Variants in METAP2 observed in about 807,000 individuals in gnomAD.
METAP2 encodes methionine aminopeptidase 2.
A neutral mutation model predicts 59.4 loss-of-function variants in METAP2; 25 were observed. The observed-to-expected ratio is 0.42, with a 90% confidence interval of 0.31 to 0.59. METAP2 has a LOEUF of 0.59. Ranked by LOEUF, METAP2 falls within the 20% of genes least tolerant of loss-of-function variation. The pLI is 0.16. For missense variants in METAP2, 366 were observed against 581.2 expected, an observed-to-expected ratio of 0.63 and a Z score of 3.81; for synonymous variants, 214 against 194.1, an observed-to-expected ratio of 1.10 and a Z score of -0.85.
At position 95,515,600 on chromosome 12, in the gene METAP2, C is replaced by A. The variant is rs1383799745; in HGVS notation, c.*1696C>A. 6.6e-6 allele frequency: 1 copy of A among 152,226 alleles called. No individual in the cohort carries two copies. The highest frequency in any genetic ancestry group is 1.5e-5 in the Non-Finnish European group (1 of 68,044). The allele number at this position is 152,226 out of a possible 1,614,324, so 9.4% of individuals were successfully genotyped here. ...GTCATGATCTCAAACCAATTAGGAG[C>A]TCCAAGCTCCCTTCCCAGGTAACTG... On this transcript the variant is annotated 3_prime_UTR_variant, in exon 11 of 11. Transcript: ENST00000323666.
chr12:95,495,557 C>G (rs1318031481), intron 6 of METAP2, among the ~76,000 whole-genome samples: 3 of 152,114 alleles, frequency 2.0e-5, no homozygotes, highest in African/African-American at 7.2e-5. Flanking sequence ...GTTAGGTAAG[C>G]ACCTTGTTAT....
intron 7 of METAP2, among the ~76,000 whole-genome samples, chr12:95,497,523 T>C (rs2076284278): frequency 6.6e-6 from 1 of 152,266 alleles, no homozygotes; most frequent in Non-Finnish European, 1.5e-5. Context: ...TTGTGAATAT[T>C]GCTGCTATGA....
chr12:95,499,472 G>T (rs1178522137), intron 7 of METAP2, among the ~76,000 whole-genome samples: 1 of 151,652 alleles, frequency 6.6e-6, no homozygotes, highest in Admixed American at 6.6e-5. Flanking sequence ...TAGCTTTGTT[G>T]TAAGTTTTGA....
chr12:95,512,036 ATTTT>A, intron 9 of METAP2, 38 bp downstream of exon 9: 4 of 1,462,572 alleles, frequency 2.7e-6, no homozygotes, highest in Non-Finnish European at 3.8e-6. Flanking sequence ...CATGGAAGAC[ATTTT>A]TTTCTTCCAA....
chr12:95,502,364 T>C (rs2076322921), intron 7 of METAP2, among the ~76,000 whole-genome samples: 1 of 152,134 alleles, frequency 6.6e-6, no homozygotes, highest in South Asian at 2.1e-4. Context: ...GGGTGACAGC[T>C]TTTTTTCTTT....
intron 10 of METAP2, among the ~76,000 whole-genome samples, chr12:95,513,152 G>A (rs1268704224): frequency 3.4e-5 from 5 of 145,784 alleles, no homozygotes; most frequent in Admixed American, 7.4e-5. Context: ...CTTCAAGTCC[G>A]GTTTCTGATA....
chr12:95,498,132 CAAAAA>C (rs550768555), intron 7 of METAP2, among the ~76,000 whole-genome samples: 58 of 123,618 alleles, frequency 4.7e-4, no homozygotes, highest in Admixed American at 1.8e-3. Context: ...GACTCCATCT[CAAAAA>C]AAAAAAAAAA....
intron 8 of METAP2, among the ~76,000 whole-genome samples, chr12:95,509,912 C>T (rs1357342929): frequency 7.3e-5 from 10 of 136,970 alleles, no homozygotes; most frequent in Non-Finnish European, 1.1e-4. Context: ...AGTTTCATTT[C>T]ACTGCAGTCT....
chr12:95,482,977 T>C (rs1026286028), intron 2 of METAP2, among the ~76,000 whole-genome samples: 2 of 152,166 alleles, frequency 1.3e-5, no homozygotes, highest in African/African-American at 4.8e-5. Flanking sequence ...TCCAACTCCT[T>C]GGCTCAAGTG....
intron 4 of METAP2, among the ~76,000 whole-genome samples, chr12:95,486,433 TG>T (rs1263669367): frequency 1.3e-5 from 2 of 152,160 alleles, no homozygotes; most frequent in Non-Finnish European, 2.9e-5. Context: ...AAGTATTTTT[TG>T]ATCACTTATC....
chr12:95,508,758 A>C (rs2076380301), intron 8 of METAP2, among the ~76,000 whole-genome samples: 1 of 152,160 alleles, frequency 6.6e-6, no homozygotes, highest in Non-Finnish European at 1.5e-5. Context: ...GTCACTGCAT[A>C]ATAATTCCAG....
chr12:95,475,251 G>A (rs1383696120), intron 1 of METAP2, among the ~76,000 whole-genome samples: 1 of 152,226 alleles, frequency 6.6e-6, no homozygotes, highest in Non-Finnish European at 1.5e-5. Context: ...GGAATTGAGA[G>A]AGGTCGAAGA....
In METAP2 at chr12:95,515,263, T is replaced by C. The variant is rs1269683730; in HGVS notation, c.*1359T>C. On this transcript the variant is annotated 3_prime_UTR_variant, in exon 11 of 11. Coordinates refer to ENST00000323666, the MANE Select transcript of METAP2 (RefSeq NM_006838.4). ...AGCTGCTCTTTCAGCATTAGAGCTA[T>C]AAATGAATGTTACCTTGTCGGGAAA... 1 of 152,650 alleles carries C rather than the reference T, an allele frequency of 6.6e-6. No homozygotes were observed. Among genetic ancestry groups the C allele is most frequent in the East Asian group, 1.9e-4 (1 of 5,202 alleles). 9.5% of individuals were successfully genotyped at this position (152,650 alleles called of 1,614,324 possible).
chr12:95,494,031 A>G (rs753414576), intron 4 of METAP2, 25 bp from the exon 5 acceptor site: 5 of 1,604,262 alleles, frequency 3.1e-6, no homozygotes, highest in South Asian at 2.2e-5. Flanking sequence ...TTTATCACTA[A>G]TAGTATTCTA....
At chr12:95,497,667 G>A (rs961252613) in intron 7 of METAP2, among the ~76,000 whole-genome samples, 1 of 152,098 alleles carries the variant, frequency 6.6e-6, no homozygotes, top group African/African-American at 2.4e-5. Flanking sequence ...TTTCCACAGT[G>A]GCTGTACCAT....
chr12:95,490,270 T>C (rs1482065077), intron 4 of METAP2, among the ~76,000 whole-genome samples: 1 of 149,294 alleles, frequency 6.7e-6, no homozygotes, highest in African/African-American at 2.5e-5. Context: ...CCCGGCATAG[T>C]AGTTTTTTTT....
intron 2 of METAP2, among the ~76,000 whole-genome samples, chr12:95,477,950 A>G (rs2076132270): frequency 6.6e-6 from 1 of 152,240 alleles, no homozygotes; most frequent in Non-Finnish European, 1.5e-5. Context: ...TTGTAAATTC[A>G]AGGCAATATA....
chr12:95,512,650 T>C (rs2076411838), intron 9 of METAP2, 151 bp from the exon 10 acceptor site: 1 of 538,124 alleles, frequency 1.9e-6, no homozygotes, highest in Admixed American at 3.5e-5. Context: ...AAGTGGAGGT[T>C]GCAGTGAGCC....
rs773221659 is a variant in METAP2, at chr12:95,507,040, T to G, written c.964+2879T>G. ...ACCTTGGCCTCCTAAAGTGCTGGGA[T>G]TACAGGCGTGAGCCACTGTACCCGG... On this transcript the variant is annotated intron_variant, in intron 8 of 10. Transcript: ENST00000323666. 1.1e-4 allele frequency among the ~76,000 whole-genome samples: 17 copies of G among 152,174 alleles called. No homozygotes were observed. The Middle Eastern group carries it at 0.01, about 91-fold the overall frequency.
Sources: allele counts gnomAD v4.1 joint callset (sites outside exome capture counted in the v4.1 genomes callset), GRCh38; gene constraint gnomAD v4.1.1; transcripts MANE v1.5; gene names NCBI Gene and HGNC (gene_info 2026-07-23, HGNC 2026-07-21).